The following SLC2A2 variants were observed in gnomAD, a reference collection of about 807,000 sequenced individuals.
SLC2A2 encodes solute carrier family 2 member 2, also known as solute carrier family 2, facilitated glucose transporter member 2.
Under a neutral mutation model 54.5 loss-of-function variants are expected in SLC2A2, and 36 were observed. The ratio of observed to expected loss-of-function variants is 0.66; its 90% CI spans 0.51 to 0.87. SLC2A2 has a LOEUF of 0.87. Among genes scored for constraint, SLC2A2 ranks in the 40% least tolerant of loss-of-function variants. The probability of loss-of-function intolerance (pLI) is 0.00; values close to 1 mark genes in which losing one functional copy is unlikely to be tolerated. For missense variants in SLC2A2, 543 were observed against 624.3 expected, an observed-to-expected ratio of 0.87 and a Z score of 1.39; for synonymous variants, 223 against 219.1, an observed-to-expected ratio of 1.02 and a Z score of -0.16.
At chr3:171,000,043 G>A (rs2108235601) in intron 8 of SLC2A2, among the ~76,000 whole-genome samples, 1 of 152,140 alleles carries the variant, frequency 6.6e-6, no homozygotes, top group South Asian at 2.1e-4. Context: ...GGCACCTGGT[G>A]AGCAAGTTGG....
chr3:170,999,170 G>C lies in SLC2A2; in HGVS notation c.1069-4C>G. ...CTGCCTTCTCCACAAGGAATACCTA[G>C]GACAATTTTAAAGAAATTATCTCAG... On this transcript the variant is annotated splice_region_variant and splice_polypyrimidine_tract_variant and intron_variant, in intron 8 of 10. Coordinates refer to ENST00000314251, the MANE Select transcript of SLC2A2 (RefSeq NM_000340.2). 6.3e-7 allele frequency: 1 copy of C among 1,578,020 alleles called. No homozygotes were observed. Among genetic ancestry groups the C allele is most frequent in the Non-Finnish European group, 8.7e-7 (1 of 1,147,510 alleles).
intron 1 of SLC2A2, among the ~76,000 whole-genome samples, chr3:171,023,569 C>T (rs1716558090): frequency 6.6e-6 from 1 of 152,166 alleles, no homozygotes; most frequent in South Asian, 2.1e-4. Context: ...CTTCATTCAT[C>T]CACTCTAATG....
chr3:171,007,335 A>G, intron 4 of SLC2A2, 72 bp from the exon 5 acceptor site: 1 of 883,040 alleles, frequency 1.1e-6, no homozygotes, highest in South Asian at 1.4e-5. Context: ...TGGTTTAAGT[A>G]CAGTATATAT....
intron 6 of SLC2A2, 129 bp from the exon 7 acceptor site, chr3:171,005,601 T>C: frequency 1.3e-6 from 1 of 745,752 alleles, no homozygotes; most frequent in Non-Finnish European, 2.2e-6. Context: ...TGTTGGAAAT[T>C]CTTTTTTTGT....
intron 1 of SLC2A2, among the ~76,000 whole-genome samples, chr3:171,022,052 A>G (rs1304519522): frequency 6.6e-6 from 1 of 152,214 alleles, no homozygotes; most frequent in Non-Finnish European, 1.5e-5. Flanking sequence ...ATAAGGCAAG[A>G]TATTCCCAGG....
chr3:171,009,896 C>CT (rs1715794368), intron 4 of SLC2A2, 62 bp downstream of exon 4: 1 of 1,531,344 alleles, frequency 6.5e-7, no homozygotes, highest in East Asian at 2.4e-5. Flanking sequence ...TTTAGAGTTA[C>CT]TTTCAGACAA....
At chr3:171,018,387 T>C (rs969064549) in intron 2 of SLC2A2, 144 bp downstream of exon 2, 4 of 731,936 alleles carry the variant, frequency 5.5e-6, no homozygotes, top group East Asian at 2.5e-5. Context: ...TTATCAGCTT[T>C]GGAACAGTGC....
intron 3 of SLC2A2, among the ~76,000 whole-genome samples, chr3:171,011,528 A>G (rs1576835264): frequency 6.6e-6 from 1 of 152,176 alleles, no homozygotes; most frequent in East Asian, 1.9e-4. Flanking sequence ...TTAGCTAACT[A>G]AAACTGAGTT....
rs145210664 is a variant in SLC2A2, at chr3:171,014,682, C to T, written c.158G>A (p.Arg53Gln). 1,261 of 1,613,852 alleles carry T rather than the reference C, an allele frequency of 7.8e-4. 1 individual carries two copies. The highest frequency in any genetic ancestry group is 9.4e-4 in the Non-Finnish European group (1,108 of 1,179,774). ...RHVLGVPLDD[R>Q]KAINNYVINS... is the part of the protein sequence containing the mutation. ...GATAACATAGTTGTTGATAGCTTTT[C>T]GGTCATCCAGTGGAACACCCAAAAC... is the stretch of plus-strand genomic sequence containing the variant. The change falls in exon 3 of 11, where the codon CGA (arginine) becomes CAA (glutamine). Residue 53 changes from arginine (R) to glutamine (Q), a missense_variant. Arg to Gln is a conservative substitution (Grantham distance 43). Coordinates refer to ENST00000314251, the MANE Select transcript of SLC2A2 (RefSeq NM_000340.2).
At chr3:171,020,592 A>T (rs1050109651) in intron 1 of SLC2A2, among the ~76,000 whole-genome samples, 2 of 152,150 alleles carry the variant, frequency 1.3e-5, no homozygotes, top group Non-Finnish European at 2.9e-5. Context: ...TGTTTATTAG[A>T]TATAAATTGG....
Position 170,999,059 on chromosome 3 carries a change from A to G in SLC2A2, c.1170+6T>C. 1 of 1,597,258 alleles carries G rather than the reference A, an allele frequency of 6.3e-7. No homozygotes were observed. The highest frequency in any genetic ancestry group is 1.7e-4 in the Middle Eastern group (1 of 6,018). On this transcript the variant is annotated splice_donor_region_variant and intron_variant, in intron 9 of 10. Transcript: ENST00000314251. ...TGAAAAACCTCAGTGCAGGCACCAA[A>G]CTTACCAGCAGCACAAGTCCCACTG...
intron 3 of SLC2A2, among the ~76,000 whole-genome samples, chr3:171,012,354 A>G (rs1353263722): frequency 6.6e-6 from 1 of 152,204 alleles, no homozygotes; most frequent in Non-Finnish European, 1.5e-5. Context: ...ATCTGTGTGA[A>G]ACCAAAGGGT....
intron 1 of SLC2A2, among the ~76,000 whole-genome samples, chr3:171,025,382 A>G (rs1314826595): frequency 6.6e-6 from 1 of 151,114 alleles, no homozygotes; most frequent in Non-Finnish European, 1.5e-5. Flanking sequence ...TAATAATTAT[A>G]TAACTATTAA....
At chr3:171,012,118 A>T (rs566740414) in intron 3 of SLC2A2, among the ~76,000 whole-genome samples, 2 of 151,954 alleles carry the variant, frequency 1.3e-5, no homozygotes, top group Non-Finnish European at 2.9e-5. Context: ...TGTCGTCATC[A>T]TCATCATCAT....
At chr3:171,005,855 A>G (rs1398544523) in intron 6 of SLC2A2, 88 bp downstream of exon 6, 4 of 1,327,898 alleles carry the variant, frequency 3.0e-6, no homozygotes, top group South Asian at 2.4e-5. Context: ...CTTACATTTA[A>G]TCACCAACTT....
intron 3 of SLC2A2, 136 bp downstream of exon 3, chr3:171,014,333 G>T (rs1036892474): frequency 1.2e-5 from 10 of 854,954 alleles, no homozygotes; most frequent in Non-Finnish European, 1.7e-5. Context: ...ACACTGATAT[G>T]CCTCATAGGG....
At chr3:171,022,426 T>A (rs1716506653) in intron 1 of SLC2A2, among the ~76,000 whole-genome samples, 1 of 152,336 alleles carries the variant, frequency 6.6e-6, no homozygotes, top group East Asian at 1.9e-4. Flanking sequence ...TCCCACCACC[T>A]ACCACACAAA....
chr3:171,007,070 GGGATGCAATAGTAGTAGTGGTACTGTAGA>G, intron 5 of SLC2A2, 49 bp downstream of exon 5: 1 of 809,940 alleles, frequency 1.2e-6, no homozygotes, highest in Non-Finnish European at 2.2e-6. Flanking sequence ...AGTACAGTAG[GGGATGCAATAGTAGTAGTGGTACTGTAGA>G]GGATGAAGTA....
chr3:171,001,047 A>G (rs1205104968), intron 8 of SLC2A2, among the ~76,000 whole-genome samples: 1 of 152,078 alleles, frequency 6.6e-6, no homozygotes, highest in African/African-American at 2.4e-5. Context: ...AAACAGAATC[A>G]AAGGATGGAC....
Sources: allele counts gnomAD v4.1 joint callset (sites outside exome capture counted in the v4.1 genomes callset), GRCh38; gene constraint gnomAD v4.1.1; transcripts MANE v1.5; gene names NCBI Gene and HGNC (gene_info 2026-07-23, HGNC 2026-07-21).